The following NR2E1 variants were observed in gnomAD, a reference collection of about 807,000 sequenced individuals.
The protein encoded by NR2E1 is nuclear receptor TLX.
In NR2E1, 5 loss-of-function variants were observed where a neutral mutation model predicts 43.6. The observed-to-expected ratio is 0.11, with a 90% CI of 0.06 to 0.24. NR2E1 has a LOEUF of 0.24. NR2E1 is among the 10% of genes least tolerant of loss of function. The pLI is 1.00. For synonymous variants in NR2E1, 191 were observed against 195.5 expected, an observed-to-expected ratio of 0.98 and a Z score of 0.19; for missense variants, 287 against 496.7, an observed-to-expected ratio of 0.58 and a Z score of 4.01.
At chr6:108,182,503 C>A (rs1217685705) in intron 8 of NR2E1, among the ~76,000 whole-genome samples, 1 of 151,840 alleles carries the variant, frequency 6.6e-6, no homozygotes, top group Non-Finnish European at 1.5e-5. Flanking sequence ...ATCCTCCCAC[C>A]TCAGCCTATT....
At chr6:108,184,927 A>G (rs1038245988) in intron 8 of NR2E1, among the ~76,000 whole-genome samples, 2 of 152,224 alleles carry the variant, frequency 1.3e-5, no homozygotes, top group African/African-American at 4.8e-5. Flanking sequence ...GGAATTATGG[A>G]ATTTCTTATT....
intron 2 of NR2E1, 101 bp from the exon 3 acceptor site, chr6:108,174,735 G>A: frequency 1.0e-6 from 1 of 954,460 alleles, no homozygotes. Flanking sequence ...CCTGCGGCCG[G>A]GCAAGGTCGC....
At chr6:108,174,064 G>C (rs777558342) in intron 2 of NR2E1, among the ~76,000 whole-genome samples, 1 of 152,138 alleles carries the variant, frequency 6.6e-6, no homozygotes, top group Non-Finnish European at 1.5e-5. Flanking sequence ...TACATGGTGA[G>C]CATTTCTATA....
In NR2E1 at chr6:108,166,829, A is replaced by G; in HGVS notation, c.25+39A>G. The stretch of plus-strand genomic sequence containing the variant: ...GGGCCGCCGTGGGGCCTAGGCGCGC[A>G]GCCTGGGGCGAGCGAGCGGGGAGGC... On this transcript the variant is annotated intron_variant, in intron 1 of 8. Transcript: ENST00000368986. This position sits in a 1 kb window ranked among gnomAD's most constrained non-coding sequence, Gnocchi z 7.2. 2 of 1,579,094 alleles carry G rather than the reference A, an allele frequency of 1.3e-6. No individual in the cohort carries two copies. Among genetic ancestry groups the G allele is most frequent in the African/African-American group, 1.3e-5 (1 of 74,746 alleles).
chr6:108,168,261 G>A (rs1468156351), intron 1 of NR2E1: 1 of 1,264,678 alleles, frequency 7.9e-7, no homozygotes, highest in Non-Finnish European at 1.1e-6. Flanking sequence ...AGCCTCCGTT[G>A]CAAAAACTGA....
chr6:108,182,264 A>C (rs901452830), intron 8 of NR2E1, among the ~76,000 whole-genome samples: 13 of 150,146 alleles, frequency 8.7e-5, no homozygotes, highest in African/African-American at 3.2e-4. Flanking sequence ...AAAAAAAAAG[A>C]AGCTCAAAGT....
Position 108,170,833 on chromosome 6 carries a change from C to G in NR2E1, c.26-625C>G, listed in dbSNP as rs1021901709. Among the ~76,000 whole-genome samples, 4 of 152,320 alleles carry G rather than the reference C, an allele frequency of 2.6e-5. No individual in the cohort carries two copies. The East Asian group carries it at 7.7e-4, about 29-fold the overall frequency. Reference sequence around the variant, plus strand: ...AATTTTTTCCTAAAAGAAATAATTTCTCTAAAGCGACTCACCAAGCATTTT... The same window carrying G: ...AATTTTTTCCTAAAAGAAATAATTTGTCTAAAGCGACTCACCAAGCATTTT... On this transcript the variant is annotated intron_variant, in intron 1 of 8. Transcript: ENST00000368986.
At chr6:108,179,722 A>G (rs1430466012) in intron 5 of NR2E1, among the ~76,000 whole-genome samples, 1 of 152,104 alleles carries the variant, frequency 6.6e-6, no homozygotes, top group African/African-American at 2.4e-5. Flanking sequence ...AGCACATTTT[A>G]TTAGAATAAA....
chr6:108,173,516 T>A (rs59016079), intron 2 of NR2E1, among the ~76,000 whole-genome samples: 5,423 of 152,308 alleles, frequency 0.036, 157 homozygotes, highest in South Asian at 0.1. Context: ...CCCACCTTTA[T>A]TTTAAATAAA....
At chr6:108,167,341 G>C (rs1582439283) in intron 1 of NR2E1, among the ~76,000 whole-genome samples, 2 of 152,242 alleles carry the variant, frequency 1.3e-5, no homozygotes, top group South Asian at 4.1e-4. Context: ...AAAGTATGGC[G>C]AACCACTCTA....
intron 1 of NR2E1, among the ~76,000 whole-genome samples, chr6:108,170,462 C>A (rs1274416743): frequency 6.6e-6 from 1 of 151,988 alleles, no homozygotes; most frequent in Non-Finnish European, 1.5e-5. Context: ...TTCTAAACGG[C>A]CAAATATTAC....
rs1457500799 is a variant in NR2E1, at chr6:108,187,820, C to T, written c.*357C>T. The stretch of plus-strand genomic sequence containing the variant: ...GAAACATAAGTAGTGCTTTCTCTTC[C>T]TTTTTAGCATACAAAGTTTGGTAAC... On this transcript the variant is annotated 3_prime_UTR_variant, in exon 9 of 9. Coordinates refer to ENST00000368986, the MANE Select transcript of NR2E1 (RefSeq NM_003269.5). The T allele has an allele frequency of 1.9e-5, 6 of 317,882 alleles. No individual in the cohort carries two copies. Among genetic ancestry groups the T allele is most frequent in the Non-Finnish European group, 3.1e-5 (5 of 162,714 alleles). 19.7% of individuals were successfully genotyped at this position (317,882 alleles called of 1,614,324 possible).
At chr6:108,185,409 TACAC>T (rs3040212) in intron 8 of NR2E1, among the ~76,000 whole-genome samples, 68,371 of 146,670 alleles carry the variant, frequency 0.47, 15,839 homozygotes, top group African/African-American at 0.53. Flanking sequence ...CACACACACA[TACAC>T]ACACACACAC....
intron 8 of NR2E1, among the ~76,000 whole-genome samples, chr6:108,185,507 C>T (rs1774063373): frequency 6.6e-6 from 1 of 152,042 alleles, no homozygotes; most frequent in Admixed American, 6.6e-5. Flanking sequence ...GCCTCTGAGG[C>T]TCAAGCAATT....
In NR2E1 at chr6:108,166,471, C is replaced by G; in HGVS notation, c.-295C>G. 2 of 397,534 alleles carry G rather than the reference C, an allele frequency of 5.0e-6. No individual in the cohort carries two copies. The highest frequency in any genetic ancestry group is 8.8e-6 in the Non-Finnish European group (2 of 226,864). The allele number at this position is 397,534 out of a possible 1,614,324, so 24.6% of individuals were successfully genotyped here. On this transcript the variant is annotated 5_prime_UTR_variant, in exon 1 of 9. Transcript: ENST00000368986. The surrounding 1 kb of genome is among the most constrained non-coding windows in gnomAD (Gnocchi z 7.2). ...CTGTTCTTCCTTCTTCCTCAGTCTT[C>G]CTGTCCATCTCTCCATCTGTCTGTC...
At position 108,187,512 on chromosome 6, in the gene NR2E1, C is replaced by A; in HGVS notation, c.*49C>A. 6.3e-7 allele frequency: 1 copy of A among 1,591,304 alleles called. No homozygotes were observed. Among genetic ancestry groups the A allele is most frequent in the South Asian group, 1.1e-5 (1 of 90,420 alleles). The stretch of plus-strand genomic sequence containing the variant: ...GGATGGGACAGTATCAGATGAACTT[C>A]AACCCATGGAGAACAAGCCTCAACT... On this transcript the variant is annotated 3_prime_UTR_variant, in exon 9 of 9. Transcript: ENST00000368986.
At chr6:108,177,610 T>C (rs1773921264) in intron 4 of NR2E1, among the ~76,000 whole-genome samples, 1 of 152,260 alleles carries the variant, frequency 6.6e-6, no homozygotes, top group South Asian at 2.1e-4. Context: ...TGTTGTCAGT[T>C]ATGAATGGGA....
chr6:108,176,745 G>A lies in NR2E1; in HGVS notation c.495+7G>A. 2 of 1,549,298 alleles carry A rather than the reference G, an allele frequency of 1.3e-6. No homozygotes were observed. Among genetic ancestry groups the A allele is most frequent in the Non-Finnish European group, 1.7e-6 (2 of 1,153,096 alleles). ...GGCTCAGCCCACGCCCAAGGTCAGC[G>A]GCCTTGCTGGGCCCAAAGAGACTCG... is the stretch of plus-strand genomic sequence containing the variant. On this transcript the variant is annotated splice_region_variant and intron_variant, in intron 4 of 8. Coordinates refer to ENST00000368986, the MANE Select transcript of NR2E1 (RefSeq NM_003269.5).
At chr6:108,181,486 C>T (rs1773985057) in intron 7 of NR2E1, 60 bp from the exon 8 acceptor site, 1 of 1,423,784 alleles carries the variant, frequency 7.0e-7, no homozygotes, top group East Asian at 2.3e-5. Context: ...GAGCACTGCG[C>T]TCGGCTCCCA....
Sources: gnomAD v4.1 joint callset for allele counts (sites outside exome capture counted in the v4.1 genomes callset) on GRCh38, gnomAD v4.1.1 for gene constraint, Gnocchi (gnomAD v3.1) non-coding constraint, MANE v1.5 for transcripts, NCBI Gene and HGNC (gene_info 2026-07-23, HGNC 2026-07-21) for gene names.